INTS1: variants seen among roughly 807,000 people sequenced by gnomAD.
The protein encoded by INTS1 is integrator complex subunit 1.
INTS1 carries 137 observed loss-of-function variants against 241.6 expected under a neutral mutation model. The observed-to-expected ratio is 0.57, with a 90% CI of 0.49 to 0.65. The LOEUF (loss-of-function observed/expected upper bound fraction) is 0.65, where lower values mean the gene tolerates loss of function less well. INTS1 is among the 30% of genes least tolerant of loss of function. INTS1 has a pLI of 0.00. For missense variants in INTS1, 3,073 were observed against 3,032.2 expected (o/e 1.01, Z -0.32); for synonymous variants, 1,692 against 1,337.8 (o/e 1.26, Z -5.78).
intron 13 of INTS1, among the ~76,000 whole-genome samples, 153 bp from the exon 14 acceptor site, chr7:1,495,046 A>G (rs943844901): frequency 1.3e-5 from 2 of 152,150 alleles, no homozygotes; most frequent in Non-Finnish European, 2.9e-5. Context: ...CAGCACCACC[A>G]AAGAACCCAG....
rs1781714995 is a variant in INTS1 at position 1,476,320 on chromosome 7, G to GC, written c.5286dup (p.Pro1763AlafsTer12). 1 of 1,587,730 alleles carries GC rather than the reference G, an allele frequency of 6.3e-7. No homozygotes were observed. The highest frequency in any genetic ancestry group is 1.8e-5 in the Admixed American group (1 of 56,572). On this transcript the variant is annotated frameshift_variant, in exon 38 of 48. Transcript: ENST00000404767. LOFTEE classifies it high-confidence loss of function. ...CCACAGCAGCAGCTGAGCAGCAGGG[G>GC]CAGCCGGGCCTGGATGAGGCTGCAG...
intron 26 of INTS1, chr7:1,483,538 A>C: frequency 1.6e-6 from 1 of 617,274 alleles, no homozygotes; most frequent in Non-Finnish European, 3.0e-6. Flanking sequence ...CCACGTGGGG[A>C]TCTCCCACAC....
At chr7:1,482,282 C>T (rs950847262) in intron 27 of INTS1, 37 of 366,466 alleles carry the variant, frequency 1.0e-4, no homozygotes, top group African/African-American at 6.0e-4. Context: ...TTTTTTCCAT[C>T]GAGGACCTGT....
chr7:1,471,065 G>A, intron 46 of INTS1, 68 bp downstream of exon 46: 1 of 1,524,484 alleles, frequency 6.6e-7, no homozygotes, highest in Non-Finnish European at 8.9e-7. Context: ...CACCAGGCGG[G>A]TCAAGCGGTG....
chr7:1,472,959 C>T (rs915544835), intron 43 of INTS1, 113 bp downstream of exon 43: 1 of 642,690 alleles, frequency 1.6e-6, no homozygotes, highest in Non-Finnish European at 2.6e-6. Context: ...CAGGCTCACA[C>T]AGCCCCCATC....
In INTS1 at chr7:1,483,810, T is replaced by C; in HGVS notation, c.3473A>G (p.Glu1158Gly). 1 of 1,612,420 alleles carries C rather than the reference T, an allele frequency of 6.2e-7. No individual in the cohort carries two copies. Among genetic ancestry groups the C allele is most frequent in the East Asian group, 2.2e-5 (1 of 44,848 alleles). The change falls in exon 26 of 48, where the codon GAG (glutamate) becomes GGG (glycine). Residue 1158 changes from glutamate (E) to glycine (G), a missense_variant. Transcript: ENST00000404767. ...CACGAGGATGTGCATGGTGGCTGTC[T>C]CCCCGCTGCTCCAGCGTAGGAAGAC... ...DQVFLRWSSG[E>G]TATMHILVVH...
chr7:1,498,947 C>CCCCCCCCCCCCCGGGG, intron 8 of INTS1, 28 bp downstream of exon 8: 2 of 1,339,462 alleles, frequency 1.5e-6, no homozygotes, highest in Non-Finnish European at 1.0e-6. Flanking sequence ...CCCCCTGCCC[C>CCCCCCCCCCCCCGGGG]GCCCACCCCC....
intron 43 of INTS1, among the ~76,000 whole-genome samples, chr7:1,472,712 C>T (rs1255908103): frequency 6.6e-6 from 1 of 152,112 alleles, no homozygotes; most frequent in African/African-American, 2.4e-5. Flanking sequence ...GCCGTGTCAC[C>T]TCAGGCAGGG....
At chr7:1,495,961 G>A (rs186377259) in intron 12 of INTS1, among the ~76,000 whole-genome samples, 195 bp downstream of exon 12, 6 of 152,324 alleles carry the variant, frequency 3.9e-5, no homozygotes, top group Non-Finnish European at 7.4e-5. Flanking sequence ...CAGGGTCTGA[G>A]CCTGCAGCTG....
intron 13 of INTS1, 55 bp downstream of exon 13, chr7:1,495,378 C>A: frequency 6.4e-7 from 1 of 1,567,262 alleles, no homozygotes; most frequent in African/African-American, 1.4e-5. Context: ...GGGGCCCCGG[C>A]TTGTCCCGGC....
At chr7:1,496,630 G>C (rs979337170) in intron 11 of INTS1, among the ~76,000 whole-genome samples, 11 of 152,172 alleles carry the variant, frequency 7.2e-5, no homozygotes, top group African/African-American at 2.7e-4. Context: ...ACCAGGGCCG[G>C]TGGCCCACAA....
At chr7:1,484,487 C>T (rs1489510035) in intron 24 of INTS1, among the ~76,000 whole-genome samples, 2 of 152,236 alleles carry the variant, frequency 1.3e-5, no homozygotes, top group African/African-American at 2.4e-5. Context: ...CCAACTTTCA[C>T]TAGGTCACAG....
Position 1,471,467 on chromosome 7 carries a change from T to C in INTS1, c.6255+104A>G, listed in dbSNP as rs973264770. 16 of 1,276,262 alleles carry C rather than the reference T, an allele frequency of 1.3e-5. No homozygotes were observed. The African/African-American group carries it at 2.1e-4, about 17-fold the overall frequency. 79.1% of individuals were successfully genotyped at this position (1,276,262 alleles called of 1,614,324 possible). A position where few individuals can be genotyped will look rare whatever the true frequency, so the allele number is the denominator to read the frequency against. ...CACCCGAAGCCCAGCCTCAGAGGAC[T>C]CCCTGGGGCTCAGCGCGGGCACGCC... On this transcript the variant is annotated intron_variant, in intron 45 of 47. Transcript: ENST00000404767.
rs751215387 is a variant in INTS1 at position 1,489,618 on chromosome 7, C to A, written c.2230G>T (p.Val744Phe). 2.5e-6 allele frequency: 4 copies of A among 1,589,506 alleles called. No homozygotes were observed. The Admixed American group carries it at 6.9e-5, about 28-fold the overall frequency. ...ATGTTCTCTGGGTTGAATGCGGCGA[C>A]GACCAGCAGGAGGGGCCAGGCCTTC... is the stretch of plus-strand genomic sequence containing the variant. ...YWKAWPLLLVVAAFNPENIGL... is the reference protein window; with the variant it reads ...YWKAWPLLLVFAAFNPENIGL... Residue 744 changes from valine to phenylalanine, a missense_variant, in exon 17 of 48, where the codon GTC becomes TTC. By Grantham distance (50) the Val-to-Phe change is conservative. Transcript: ENST00000404767.
At chr7:1,478,573 G>A (rs1279247316) in intron 32 of INTS1, 67 bp from the exon 33 acceptor site, 8 of 1,559,306 alleles carry the variant, frequency 5.1e-6, no homozygotes, top group African/African-American at 1.4e-5. Flanking sequence ...CCCATCCAGG[G>A]AGGCCCCACG....
chr7:1,470,743 C>T (rs1191989551), intron 47 of INTS1, 51 bp from the exon 48 acceptor site: 31 of 1,486,770 alleles, frequency 2.1e-5, no homozygotes, highest in Admixed American at 4.3e-5. Flanking sequence ...ACATCCTGGC[C>T]GCAGTGACCA....
rs1782895690 is a variant in INTS1, at chr7:1,497,011, A to C, written c.1602+127T>G. 1.0e-6 allele frequency: 1 copy of C among 963,110 alleles called. No individual in the cohort carries two copies. The highest frequency in any genetic ancestry group is 1.5e-6 in the Non-Finnish European group (1 of 668,550). 59.7% of individuals were successfully genotyped at this position (963,110 alleles called of 1,614,324 possible). ...CGCGTCACCGCAAACAGCCTCACTC[A>C]TCCCCGTACCCACGCTCAGCCAGAG... is the stretch of plus-strand genomic sequence containing the variant. On this transcript the variant is annotated intron_variant, in intron 11 of 47. Transcript: ENST00000404767. This position sits in a 1 kb window ranked among gnomAD's most constrained non-coding sequence, Gnocchi z 5.3.
In INTS1 at chr7:1,481,788, C is replaced by A. The variant is rs545766562; in HGVS notation, c.3704-300G>T. On this transcript the variant is annotated intron_variant, in intron 27 of 47. Transcript: ENST00000404767. The surrounding 1 kb of genome is among the most constrained non-coding windows in gnomAD (Gnocchi z 6.8). Reference sequence around the variant, plus strand: ...CAGCCCCACCTGAGACCCTGGGCCACGTGGGCTCGGTGACCCCACCCGAGA... The same window carrying A: ...CAGCCCCACCTGAGACCCTGGGCCAAGTGGGCTCGGTGACCCCACCCGAGA... Among the ~76,000 whole-genome samples, 1 of 149,856 alleles carries A rather than the reference C, an allele frequency of 6.7e-6. No individual in the cohort carries two copies. Among genetic ancestry groups the A allele is most frequent in the Non-Finnish European group, 1.5e-5 (1 of 67,322 alleles).
Position 1,503,025 on chromosome 7 carries a change from G to A in INTS1, c.225C>T (p.Thr75=). ...LSSASALTGL[T]KRPKLSSTPP... ...GTGTGGAGGAGAGTTTGGGGCGTTTGGTGAGACCGGTGAGGGCCGAGGCAC... is the reference window on the plus strand; with the variant it reads ...GTGTGGAGGAGAGTTTGGGGCGTTTAGTGAGACCGGTGAGGGCCGAGGCAC... The change falls in exon 3 of 48, where the codon ACC becomes ACT. Residue 75 remains threonine (T), a synonymous_variant. Transcript: ENST00000404767. 1 of 1,613,792 alleles carries A rather than the reference G, an allele frequency of 6.2e-7. No individual in the cohort carries two copies. The highest frequency in any genetic ancestry group is 8.5e-7 in the Non-Finnish European group (1 of 1,179,870).
Sources: allele counts gnomAD v4.1 joint callset (sites outside exome capture counted in the v4.1 genomes callset), GRCh38; gene constraint gnomAD v4.1.1; non-coding constraint Gnocchi (gnomAD v3.1); transcripts MANE v1.5; gene names NCBI Gene and HGNC (gene_info 2026-07-23, HGNC 2026-07-21).